The following TFEB variants were observed in gnomAD, a reference collection of about 807,000 sequenced individuals.
TFEB encodes the protein transcription factor EB, also known as T-cell transcription factor EB.
TFEB carries 12 observed loss-of-function variants against 48.0 expected under a neutral mutation model. The ratio of observed to expected loss-of-function variants is 0.25; its 90% CI spans 0.16 to 0.40. The LOEUF is 0.40. TFEB is among the 10% of genes least tolerant of loss of function. TFEB has a pLI of 1.00. For missense variants in TFEB, 509 were observed against 640.3 expected (o/e 0.79, Z 2.21); for synonymous variants, 244 against 261.4 (o/e 0.93, Z 0.64).
At chr6:41,690,117 C>CTTTCTTT (rs1393713893) in intron 3 of TFEB, among the ~76,000 whole-genome samples, 3 of 151,446 alleles carry the variant, frequency 2.0e-5, no homozygotes, top group Admixed American at 6.6e-5. Flanking sequence ...CCTAGCAGAG[C>CTTTCTTT]TTTCTTTTTT....
At chr6:41,721,481 TA>T (rs956801003) in intron 1 of TFEB, among the ~76,000 whole-genome samples, 213 of 151,388 alleles carry the variant, frequency 1.4e-3, no homozygotes, top group African/African-American at 5.0e-3. Context: ...TCTTTTTCAT[TA>T]AAAAAAAATT....
chr6:41,734,883 C>T lies in TFEB; in HGVS notation c.-23+467G>A. The T allele has an allele frequency of 1.0e-6, 1 of 985,282 alleles. No individual in the cohort carries two copies. 61.0% of individuals were successfully genotyped at this position (985,282 alleles called of 1,614,324 possible). On this transcript the variant is annotated intron_variant, in intron 1 of 8. Coordinates refer to ENST00000373033, the MANE Select transcript of TFEB (RefSeq NM_001271944.2). This position sits in a 1 kb window ranked among gnomAD's most constrained non-coding sequence, Gnocchi z 4.0. ...CCGCTGGCCTGGCCAGACTCAGCCC[C>T]CGCACACCTCCCCTACCTCCGACCC...
At chr6:41,714,627 A>G (rs1358261377) in intron 1 of TFEB, among the ~76,000 whole-genome samples, 1 of 152,102 alleles carries the variant, frequency 6.6e-6, no homozygotes, top group Non-Finnish European at 1.5e-5. Flanking sequence ...TTCTGCCCAT[A>G]TCACCCCTCC....
intron 1 of TFEB, among the ~76,000 whole-genome samples, chr6:41,701,140 C>T (rs1315990942): frequency 6.6e-6 from 1 of 152,264 alleles, no homozygotes; most frequent in Admixed American, 6.5e-5. Flanking sequence ...CACACACATG[C>T]ACGCACACAT....
chr6:41,721,349 C>T (rs1392389042), intron 1 of TFEB, among the ~76,000 whole-genome samples: 7 of 149,412 alleles, frequency 4.7e-5, no homozygotes, highest in Non-Finnish European at 8.8e-5. Flanking sequence ...GAAAAATATA[C>T]TTTATTTGAC....
chr6:41,729,062 G>A (rs1001558021), intron 1 of TFEB, among the ~76,000 whole-genome samples: 9 of 151,880 alleles, frequency 5.9e-5, no homozygotes, highest in Admixed American at 2.6e-4. Flanking sequence ...GAGGACTGGC[G>A]GGCTCAGACA....
intron 1 of TFEB, among the ~76,000 whole-genome samples, chr6:41,704,781 G>C (rs1770118977): frequency 1.3e-5 from 2 of 152,224 alleles, no homozygotes; most frequent in South Asian, 4.1e-4. Context: ...GAAGCACAGA[G>C]CTATTTTAAA....
chr6:41,728,677 C>T (rs1286079689), intron 1 of TFEB, among the ~76,000 whole-genome samples: 1 of 144,608 alleles, frequency 6.9e-6, no homozygotes, highest in Non-Finnish European at 1.5e-5. Context: ...TGGTAGAACT[C>T]GGGGAGGGGG....
At chr6:41,702,935 G>C (rs1038212160) in intron 1 of TFEB, among the ~76,000 whole-genome samples, 13 of 152,128 alleles carry the variant, frequency 8.5e-5, no homozygotes, top group Admixed American at 2.6e-4. Context: ...GCTCCCTGCC[G>C]CCTGCCTGGT....
At chr6:41,715,482 C>A (rs1005709684) in intron 1 of TFEB, among the ~76,000 whole-genome samples, 1 of 152,092 alleles carries the variant, frequency 6.6e-6, no homozygotes, top group Non-Finnish European at 1.5e-5. Context: ...CCAGCTTGAC[C>A]AACATGGTGA....
In TFEB at chr6:41,687,783, C is replaced by T. The variant is rs1445719642; in HGVS notation, c.697G>A (p.Glu233Lys). 2 of 1,614,006 alleles carry T rather than the reference C, an allele frequency of 1.2e-6. No homozygotes were observed. The highest frequency in any genetic ancestry group is 1.7e-5 in the Admixed American group (1 of 60,002). Residue 233 changes from glutamate to lysine, a missense_variant, in exon 6 of 9, where the codon GAG becomes AAG. Glu to Lys is a moderately conservative substitution (Grantham distance 56). Around this residue, in one of 4 missense-constraint regions of TFEB, gnomAD observed 251 missense variants for 317.2 expected, o/e 0.79. Coordinates refer to ENST00000373033, the MANE Select transcript of TFEB (RefSeq NM_001271944.2). ...TTGTGATTGTCTTTCTTCTGCCGCT[C>T]CTTGGCCAGGGCCCTGCTCTCAGCA... ...TDAESRALAK[E>K]RQKKDNHNLI...
At chr6:41,687,314 A>G (rs1260296690) in intron 6 of TFEB, 145 bp from the exon 7 acceptor site, 3 of 732,614 alleles carry the variant, frequency 4.1e-6, no homozygotes, top group Non-Finnish European at 7.2e-6. Context: ...GGTGACCAAC[A>G]GATTGGGATT....
chr6:41,701,235 C>A (rs1202308033), intron 1 of TFEB, among the ~76,000 whole-genome samples: 1 of 152,222 alleles, frequency 6.6e-6, no homozygotes, highest in African/African-American at 2.4e-5. Flanking sequence ...AGGCAGCCAC[C>A]TTTCTCCTGG....
chr6:41,733,440 C>G (rs760718194), intron 1 of TFEB: 1 of 223,632 alleles, frequency 4.5e-6, no homozygotes, highest in Non-Finnish European at 7.5e-6. Context: ...GAGTTGAGGA[C>G]AAAATAACCC....
rs1409515770 is a variant in TFEB, at chr6:41,686,030, AG to A, written c.951+59del. 3 of 1,608,488 alleles carry A rather than the reference AG, an allele frequency of 1.9e-6. No individual in the cohort carries two copies. The East Asian group carries it at 6.7e-5, about 36-fold the overall frequency. On this transcript the variant is annotated intron_variant, in intron 8 of 8. Coordinates refer to ENST00000373033, the MANE Select transcript of TFEB (RefSeq NM_001271944.2). ...TTCAGAAGTACAAGTACTGCCCCTTAGGGCCAGGAGCCAGGTTAAGGGTCAG... is the reference window on the plus strand; with the variant it reads ...TTCAGAAGTACAAGTACTGCCCCTTAGGCCAGGAGCCAGGTTAAGGGTCAG...
At chr6:41,714,643 G>A (rs1256358631) in intron 1 of TFEB, among the ~76,000 whole-genome samples, 1 of 152,162 alleles carries the variant, frequency 6.6e-6, no homozygotes, top group Non-Finnish European at 1.5e-5. Context: ...CCTCCCTCCT[G>A]TGAGACACTG....
intron 1 of TFEB, among the ~76,000 whole-genome samples, chr6:41,716,849 C>T (rs1038230232): frequency 7.9e-5 from 12 of 152,222 alleles, no homozygotes; most frequent in Non-Finnish European, 1.5e-4. Flanking sequence ...GCCTGGCCTA[C>T]CCCCTGGCCC....
rs889577315 is a variant in TFEB, at chr6:41,730,394, G to A, written c.-23+4956C>T. On this transcript the variant is annotated intron_variant, in intron 1 of 8. Coordinates refer to ENST00000373033, the MANE Select transcript of TFEB (RefSeq NM_001271944.2). This position sits in a 1 kb window ranked among gnomAD's most constrained non-coding sequence, Gnocchi z 4.1. ...TCCCTGGATTAATCCCTACAGCACC[G>A]CATCTTACTCTGGGACCACTGCTGA... 2.6e-5 allele frequency among the ~76,000 whole-genome samples: 4 copies of A among 152,146 alleles called. No individual in the cohort carries two copies. The highest frequency in any genetic ancestry group is 7.2e-5 in the African/African-American group (3 of 41,442).
intron 1 of TFEB, among the ~76,000 whole-genome samples, chr6:41,709,476 G>C (rs112827323): frequency 6.6e-6 from 1 of 152,118 alleles, no homozygotes; most frequent in African/African-American, 2.4e-5. Context: ...GGACATAATG[G>C]ATGCATGCAT....
Sources: gnomAD v4.1 joint callset for allele counts (sites outside exome capture counted in the v4.1 genomes callset) on GRCh38, gnomAD v4.1.1 for gene constraint, gnomAD v4.1.1 regional missense constraint, Gnocchi (gnomAD v3.1) non-coding constraint, MANE v1.5 for transcripts, NCBI Gene and HGNC (gene_info 2026-07-23, HGNC 2026-07-21) for gene names.